Variants in CCDC191 observed in about 807,000 individuals in gnomAD.
CCDC191 encodes the protein coiled-coil domain-containing protein 191.
Under a neutral mutation model 114.0 loss-of-function variants are expected in CCDC191, and 99 were observed. That is an observed-to-expected ratio of 0.87 (90% CI 0.74 to 1.03). The LOEUF (loss-of-function observed/expected upper bound fraction) is 1.03, where lower values mean the gene tolerates loss of function less well. Ranked by LOEUF, CCDC191 falls within the 50% of genes least tolerant of loss-of-function variation. CCDC191 has a pLI of 0.00. For synonymous variants in CCDC191, 351 were observed against 376.0 expected, an observed-to-expected ratio of 0.93 and a Z score of 0.77; for missense variants, 973 against 1,087.0, an observed-to-expected ratio of 0.90 and a Z score of 1.47.
In CCDC191 at chr3:114,017,096, G is replaced by A. The variant is rs534930141; in HGVS notation, c.1163+1582C>T. 4.0e-5 allele frequency among the ~76,000 whole-genome samples: 6 copies of A among 149,982 alleles called. 1 individual carries two copies. The South Asian group carries it at 1.1e-3, about 26-fold the overall frequency. On this transcript the variant is annotated intron_variant, in intron 8 of 16. Coordinates refer to ENST00000295878, the MANE Select transcript of CCDC191 (RefSeq NM_020817.2). The stretch of plus-strand genomic sequence containing the variant: ...CCCTCCTGCTTAAAAAACCTTCAAG[G>A]ATTCACTTTTTTTTTTTTTTTTTTT...
intron 13 of CCDC191, among the ~76,000 whole-genome samples, chr3:113,997,721 A>G (rs897960732): frequency 6.6e-6 from 1 of 152,206 alleles, no homozygotes; most frequent in Non-Finnish European, 1.5e-5. Context: ...AAATACATAT[A>G]CAGTCATATG....
intron 13 of CCDC191, among the ~76,000 whole-genome samples, chr3:113,986,553 CAAAGAA>C (rs906276117): frequency 2.6e-5 from 4 of 152,056 alleles, no homozygotes; most frequent in African/African-American, 9.7e-5. Flanking sequence ...AAATCAAAGA[CAAAGAA>C]AAAGTCTTGA....
intron 8 of CCDC191, among the ~76,000 whole-genome samples, chr3:114,014,508 C>T (rs928182399): frequency 3.3e-5 from 5 of 152,162 alleles, no homozygotes; most frequent in Admixed American, 2.0e-4. Context: ...GAATATCTGA[C>T]GGCCTATTTT....
chr3:114,015,384 T>C (rs2076142779), intron 8 of CCDC191, among the ~76,000 whole-genome samples: 1 of 152,214 alleles, frequency 6.6e-6, no homozygotes, highest in African/African-American at 2.4e-5. Flanking sequence ...CAGGAAGGAC[T>C]GGCAGAAGAT....
At chr3:113,969,022 G>C (rs971612405) in intron 16 of CCDC191, among the ~76,000 whole-genome samples, 3 of 152,252 alleles carry the variant, frequency 2.0e-5, no homozygotes, top group Non-Finnish European at 2.9e-5. Flanking sequence ...CATGTGCAGA[G>C]ATCCAATGGC....
intron 13 of CCDC191, among the ~76,000 whole-genome samples, chr3:113,996,068 G>A (rs754855631): frequency 3.9e-5 from 6 of 152,084 alleles, no homozygotes; most frequent in Non-Finnish European, 5.9e-5. Context: ...CTCCCTTTCT[G>A]TAGGTTCCTA....
At chr3:114,002,634 GTTA>G (rs2075876849) in intron 11 of CCDC191, 96 bp from the exon 12 acceptor site, 2 of 1,284,774 alleles carry the variant, frequency 1.6e-6, no homozygotes, top group African/African-American at 3.0e-5. Flanking sequence ...AAAATTTAGT[GTTA>G]TTATTAGGGT....
At chr3:114,005,460 A>T (rs1330441677) in intron 10 of CCDC191, 48 bp downstream of exon 10, 2 of 1,528,350 alleles carry the variant, frequency 1.3e-6, no homozygotes, top group African/African-American at 2.8e-5. Context: ...GCCCAAAGTG[A>T]AAAACCCCTT....
Position 114,010,846 on chromosome 3 carries a change from C to T in CCDC191, c.1339G>A (p.Ala447Thr), listed in dbSNP as rs968701041. The part of the protein sequence containing the change: ...LQAASLGKLS[A>T]NGLSGISLPE... ...AGACTGATGCCTGATAACCCATTGG[C>T]ACTGAGTTTCCCCAGTGATGCTGCC... Residue 447 changes from alanine to threonine, a missense_variant, in exon 9 of 17, where the codon GCC becomes ACC. Ala to Thr is a moderately conservative substitution (Grantham distance 58). Transcript: ENST00000295878. 2 of 1,614,002 alleles carry T rather than the reference C, an allele frequency of 1.2e-6. No individual in the cohort carries two copies. The highest frequency in any genetic ancestry group is 1.7e-6 in the Non-Finnish European group (2 of 1,179,944).
intron 14 of CCDC191, among the ~76,000 whole-genome samples, chr3:113,979,514 ATAATT>A (rs969892642): frequency 7.2e-5 from 11 of 152,268 alleles, no homozygotes; most frequent in African/African-American, 2.7e-4. Flanking sequence ...AATAACATGA[ATAATT>A]TAATGTCTTT....
Position 114,001,708 on chromosome 3 carries a change from T to C in CCDC191, c.2062-12A>G, listed in dbSNP as rs376997775. ...GCCTTTAACTGGGCCTGATTGAGATTAGAACCCAGAAATATCAGAACCCTC... is the reference window on the plus strand; with the variant it reads ...GCCTTTAACTGGGCCTGATTGAGATCAGAACCCAGAAATATCAGAACCCTC... On this transcript the variant is annotated splice_polypyrimidine_tract_variant and intron_variant, in intron 12 of 16. Coordinates refer to ENST00000295878, the MANE Select transcript of CCDC191 (RefSeq NM_020817.2). 1.2e-5 allele frequency: 19 copies of C among 1,613,220 alleles called. No individual in the cohort carries two copies. In the African/African-American group the frequency reaches 2.5e-4, roughly 22 times the overall value.
At chr3:114,046,260 T>G (rs1364813875) in intron 3 of CCDC191, among the ~76,000 whole-genome samples, 1 of 152,226 alleles carries the variant, frequency 6.6e-6, no homozygotes, top group Non-Finnish European at 1.5e-5. Context: ...AAAACTGATT[T>G]ATAGACTATA....
chr3:113,987,770 G>T (rs1326212495), intron 13 of CCDC191, among the ~76,000 whole-genome samples: 1 of 152,232 alleles, frequency 6.6e-6, no homozygotes, highest in African/African-American at 2.4e-5. Flanking sequence ...AGGACCAGGT[G>T]CAGTGGCTCA....
At chr3:114,054,550 T>C (rs1009637334) in intron 1 of CCDC191, among the ~76,000 whole-genome samples, 10 of 152,054 alleles carry the variant, frequency 6.6e-5, no homozygotes, top group Non-Finnish European at 4.4e-5. Flanking sequence ...GGCAGGAGAA[T>C]GGCGTGAACC....
intron 7 of CCDC191, among the ~76,000 whole-genome samples, chr3:114,020,430 T>C (rs2076227123): frequency 6.6e-6 from 1 of 152,160 alleles, no homozygotes; most frequent in African/African-American, 2.4e-5. Flanking sequence ...GGAGAAACCA[T>C]GGCAAACTTT....
At chr3:113,998,750 C>T (rs938172664) in intron 13 of CCDC191, among the ~76,000 whole-genome samples, 1 of 152,192 alleles carries the variant, frequency 6.6e-6, no homozygotes, top group Non-Finnish European at 1.5e-5. Context: ...ATTTTGTTCT[C>T]ACTGGAACAG....
At chr3:114,033,617 A>T (rs1405159640) in intron 6 of CCDC191, among the ~76,000 whole-genome samples, 1 of 152,234 alleles carries the variant, frequency 6.6e-6, no homozygotes, top group East Asian at 1.9e-4. Context: ...GTCAGTGAAC[A>T]TTTGTTGAGT....
At chr3:114,021,802 C>A (rs1372722387) in intron 7 of CCDC191, among the ~76,000 whole-genome samples, 1 of 152,174 alleles carries the variant, frequency 6.6e-6, no homozygotes, top group Non-Finnish European at 1.5e-5. Context: ...TTTAAAACCA[C>A]AACTGGGTTG....
intron 5 of CCDC191, among the ~76,000 whole-genome samples, chr3:114,036,289 AC>A (rs1314179161): frequency 4.6e-5 from 7 of 152,150 alleles, no homozygotes; most frequent in Admixed American, 4.6e-4. Flanking sequence ...TGAAAACCAA[AC>A]TCAAGCACAC....
Sources: gnomAD v4.1 joint callset for allele counts (sites outside exome capture counted in the v4.1 genomes callset) on GRCh38, gnomAD v4.1.1 for gene constraint, MANE v1.5 for transcripts, NCBI Gene and HGNC (gene_info 2026-07-23, HGNC 2026-07-21) for gene names.